Variants in FARP1 observed in about 807,000 individuals in gnomAD.
FARP1 encodes the protein FERM, ARH/RhoGEF and pleckstrin domain protein 1.
A neutral mutation model predicts 128.8 loss-of-function variants in FARP1; 52 were observed. The observed-to-expected ratio is 0.40, with a 90% confidence interval of 0.32 to 0.51. The LOEUF (loss-of-function observed/expected upper bound fraction) is 0.51, where lower values mean the gene tolerates loss of function less well. FARP1 is among the 20% of genes least tolerant of loss of function. The probability of loss-of-function intolerance (pLI) is 0.45; values close to 1 mark genes in which losing one functional copy is unlikely to be tolerated. For missense variants in FARP1, 1,333 were observed against 1,367.9 expected (o/e 0.97, Z 0.40); for synonymous variants, 580 against 551.8 (o/e 1.05, Z -0.72).
At chr13:98,208,389 A>T (rs1311876067) in intron 1 of FARP1, 1 of 151,756 alleles carries the variant, frequency 6.6e-6, no homozygotes, top group Non-Finnish European at 1.5e-5. Flanking sequence ...GAGGCAGGAG[A>T]ATCGCTTGAA....
intron 15 of FARP1, 124 bp downstream of exon 15, chr13:98,410,947 G>A: frequency 1.9e-6 from 1 of 515,258 alleles, no homozygotes; most frequent in Non-Finnish European, 3.5e-6. Context: ...AAGGATTGTG[G>A]TCCTAGGGTA....
At chr13:98,153,841 A>G (rs1876306611) in intron 1 of FARP1, among the ~76,000 whole-genome samples, 1 of 151,884 alleles carries the variant, frequency 6.6e-6, no homozygotes, top group South Asian at 2.1e-4. Context: ...GGGATTACAG[A>G]TGCGAGCCAC....
chr13:98,167,405 CTTTT>C, intron 1 of FARP1, among the ~76,000 whole-genome samples: 1 of 129,776 alleles, frequency 7.7e-6, no homozygotes. Flanking sequence ...AACAGTTTTA[CTTTT>C]TTTTTTTTTT....
At chr13:98,374,511 T>C (rs1309808341) in intron 5 of FARP1, among the ~76,000 whole-genome samples, 1 of 152,184 alleles carries the variant, frequency 6.6e-6, no homozygotes, top group Non-Finnish European at 1.5e-5. Context: ...TCTGGGCCTA[T>C]GTAAGTTAGT....
intron 13 of FARP1, 71 bp downstream of exon 13, chr13:98,395,547 C>G: frequency 6.8e-7 from 1 of 1,471,308 alleles, no homozygotes; most frequent in Non-Finnish European, 9.1e-7. Context: ...ACGTAGATAG[C>G]GAATACGACC....
At chr13:98,161,604 A>G (rs1464299056) in intron 1 of FARP1, among the ~76,000 whole-genome samples, 1 of 152,118 alleles carries the variant, frequency 6.6e-6, no homozygotes, top group Non-Finnish European at 1.5e-5. Context: ...AATGTGGCTG[A>G]GTTCACATGA....
rs181755265 is a variant in FARP1, at chr13:98,211,355, C to T, written c.-23-1865C>T. On this transcript the variant is annotated intron_variant, in intron 1 of 26. Coordinates refer to ENST00000319562, the MANE Select transcript of FARP1 (RefSeq NM_005766.4). ...CAGACCCTGTTGGGAACTGCGCATG[C>T]GAGGGATCTAGATTGTGCGCTCCTT... Among the ~76,000 whole-genome samples, 9 of 152,296 alleles carry T rather than the reference C, an allele frequency of 5.9e-5. No homozygotes were observed. In the East Asian group the frequency reaches 9.7e-4, roughly 16 times the overall value.
intron 2 of FARP1, among the ~76,000 whole-genome samples, chr13:98,285,858 A>G (rs1264891319): frequency 5.3e-5 from 8 of 152,188 alleles, no homozygotes; most frequent in Admixed American, 3.9e-4. Context: ...ATTTGCCAGA[A>G]AAATGATCCC....
chr13:98,198,562 C>A (rs1173559165), intron 1 of FARP1, among the ~76,000 whole-genome samples: 1 of 152,016 alleles, frequency 6.6e-6, no homozygotes, highest in Non-Finnish European at 1.5e-5. Context: ...CAAGACCCCT[C>A]CCTCTCTAGA....
rs1464806035 is a variant in FARP1, at chr13:98,451,547, A to G, written c.*3230A>G. 2 of 152,066 alleles carry G rather than the reference A, an allele frequency of 1.3e-5. No homozygotes were observed. The highest frequency in any genetic ancestry group is 2.9e-5 in the Non-Finnish European group (2 of 68,026). The allele number at this position is 152,066 out of a possible 1,614,324, so 9.4% of individuals were successfully genotyped here. ...GACTGCACTAGCAAACCGACACAATAACCCACTCAAGCATCTGTAGCTCAG... is the reference window on the plus strand; with the variant it reads ...GACTGCACTAGCAAACCGACACAATGACCCACTCAAGCATCTGTAGCTCAG... On this transcript the variant is annotated 3_prime_UTR_variant, in exon 27 of 27. Coordinates refer to ENST00000319562, the MANE Select transcript of FARP1 (RefSeq NM_005766.4).
At chr13:98,297,020 A>G (rs1415525289) in intron 2 of FARP1, among the ~76,000 whole-genome samples, 2 of 152,234 alleles carry the variant, frequency 1.3e-5, no homozygotes, top group Non-Finnish European at 2.9e-5. Context: ...TGGTTTTTTA[A>G]TAACAGCAAA....
At chr13:98,350,449 G>A in intron 3 of FARP1, among the ~76,000 whole-genome samples, 1 of 152,128 alleles carries the variant, frequency 6.6e-6, no homozygotes, top group East Asian at 1.9e-4. Context: ...GCCTTCGTGT[G>A]GCATGTGTGT....
At position 98,385,735 on chromosome 13, in the gene FARP1, TC is replaced by T. The variant is rs1486431554; in HGVS notation, c.682del (p.Arg228GlyfsTer23). On this transcript the variant is annotated frameshift_variant, in exon 8 of 27. Transcript: ENST00000319562. LOFTEE classifies it high-confidence loss of function. ...GCCCGTCGGCTAGAGATGTATGGAATCCGGTTGCACCCGGCCAAGGACAGGG... is the reference window on the plus strand; with the variant it reads ...GCCCGTCGGCTAGAGATGTATGGAATCGGTTGCACCCGGCCAAGGACAGGG... The part of the protein sequence containing the change: ...EIARRLEMYG[I>X]RLHPAKDREG... The T allele has an allele frequency of 1.2e-6, 2 of 1,614,212 alleles. No individual in the cohort carries two copies. The highest frequency in any genetic ancestry group is 3.3e-5 in the Admixed American group (2 of 60,028).
intron 2 of FARP1, among the ~76,000 whole-genome samples, chr13:98,283,655 GCACC>G (rs1338990114): frequency 6.6e-6 from 1 of 152,102 alleles, no homozygotes; most frequent in Non-Finnish European, 1.5e-5. Context: ...TTAGGAGAAA[GCACC>G]CTGAAGGTTG....
At chr13:98,338,964 G>A (rs1305491033) in intron 2 of FARP1, 3 of 152,052 alleles carry the variant, frequency 2.0e-5, no homozygotes, top group Non-Finnish European at 4.4e-5. Flanking sequence ...GCTTTAACCT[G>A]GTGTGCGTTG....
chr13:98,365,307 A>C, intron 3 of FARP1, 88 bp from the exon 4 acceptor site: 1 of 1,049,892 alleles, frequency 9.5e-7, no homozygotes, highest in Non-Finnish European at 1.5e-6. Context: ...AAATATTTTG[A>C]TTTTAAACAG....
chr13:98,413,701 C>A (rs11616605), intron 16 of FARP1, among the ~76,000 whole-genome samples: 22,879 of 152,106 alleles, frequency 0.15, 1,978 homozygotes, highest in African/African-American at 0.23. Flanking sequence ...ACTTTACCTT[C>A]CCCAGGTTGA....
chr13:98,286,728 G>T (rs146756935), intron 2 of FARP1, among the ~76,000 whole-genome samples: 1 of 152,102 alleles, frequency 6.6e-6, no homozygotes, highest in East Asian at 1.9e-4. Context: ...ATTGATTACC[G>T]ATGGACTCAT....
intron 2 of FARP1, among the ~76,000 whole-genome samples, chr13:98,306,296 A>C (rs1224975993): frequency 2.0e-5 from 3 of 152,004 alleles, no homozygotes; most frequent in Non-Finnish European, 2.9e-5. Context: ...TGCCTGACCC[A>C]CTCTAGTACC....
Sources: allele counts gnomAD v4.1 joint callset (sites outside exome capture counted in the v4.1 genomes callset), GRCh38; gene constraint gnomAD v4.1.1; transcripts MANE v1.5; gene names NCBI Gene and HGNC (gene_info 2026-07-23, HGNC 2026-07-21).